The following CERK variants were observed in gnomAD, a reference collection of about 807,000 sequenced individuals.
CERK encodes the protein acylsphingosine kinase.
In CERK, 39 loss-of-function variants were observed where a neutral mutation model predicts 63.4. The ratio of observed to expected loss-of-function variants is 0.61; its 90% CI spans 0.48 to 0.80. The LOEUF is 0.80. Among genes scored for constraint, CERK ranks in the 30% least tolerant of loss-of-function variants. CERK has a pLI of 0.00. For synonymous variants in CERK, 302 were observed against 280.0 expected, an observed-to-expected ratio of 1.08 and a Z score of -0.78; for missense variants, 670 against 714.1, an observed-to-expected ratio of 0.94 and a Z score of 0.70.
chr22:46,712,541 C>G (rs1156598572), intron 3 of CERK, among the ~76,000 whole-genome samples: 4 of 152,096 alleles, frequency 2.6e-5, no homozygotes, highest in African/African-American at 9.7e-5. Context: ...CCCACGAACT[C>G]AGAATTCCGA....
At chr22:46,690,229 C>A (rs773860000) in intron 11 of CERK, 29 bp from the exon 12 acceptor site, 1 of 1,599,080 alleles carries the variant, frequency 6.3e-7, no homozygotes, top group East Asian at 2.2e-5. Context: ...AGGGACCATT[C>A]AGCTCTAAAC....
At chr22:46,692,298 T>G (rs1208270950) in intron 10 of CERK, among the ~76,000 whole-genome samples, 1 of 151,640 alleles carries the variant, frequency 6.6e-6, no homozygotes, top group Non-Finnish European at 1.5e-5. Flanking sequence ...TGGCGGTGCA[T>G]GCCTGTAATC....
intron 11 of CERK, among the ~76,000 whole-genome samples, chr22:46,690,722 G>A (rs759096996): frequency 1.1e-4 from 17 of 152,070 alleles, no homozygotes; most frequent in East Asian, 1.9e-4. Context: ...GACTAGACTC[G>A]GGTCTTCCTC....
At position 46,738,202 on chromosome 22, in the gene CERK, C is replaced by T; in HGVS notation, c.-54G>A. 9.3e-7 allele frequency: 1 copy of T among 1,077,120 alleles called. No individual in the cohort carries two copies. The highest frequency in any genetic ancestry group is 1.1e-6 in the Non-Finnish European group (1 of 890,608). 66.7% of individuals were successfully genotyped at this position (1,077,120 alleles called of 1,614,324 possible). On this transcript the variant is annotated 5_prime_UTR_variant, in exon 1 of 13. Coordinates refer to ENST00000216264, the MANE Select transcript of CERK (RefSeq NM_022766.6). ...GGGGGCGCGCGGACGCCGAGGGGCG[C>T]CGGACCGTTAGCGGCCCCTGCAGTG... is the stretch of plus-strand genomic sequence containing the variant.
chr22:46,716,279 C>A (rs943207203), intron 3 of CERK, among the ~76,000 whole-genome samples: 6 of 151,856 alleles, frequency 4.0e-5, no homozygotes, highest in Non-Finnish European at 8.8e-5. Flanking sequence ...CAACCTCCAC[C>A]CCCAGGGTTC....
intron 11 of CERK, among the ~76,000 whole-genome samples, chr22:46,690,542 GATAA>G (rs1330352375): frequency 6.6e-6 from 1 of 152,120 alleles, no homozygotes; most frequent in East Asian, 1.9e-4. Context: ...ACAGAATTCT[GATAA>G]ATAATTAGCA....
At position 46,699,495 on chromosome 22, in the gene CERK, C is replaced by T. The variant is rs1395831743; in HGVS notation, c.791-30G>A. The T allele has an allele frequency of 2.5e-6, 4 of 1,611,246 alleles. No homozygotes were observed. The East Asian group carries it at 6.7e-5, about 27-fold the overall frequency. ...GGGAGAGAACGGCCGTGAGGGAAGG[C>T]AGCCCCCCTCCAGCCCCGCCCCATC... On this transcript the variant is annotated intron_variant, in intron 7 of 12. Transcript: ENST00000216264.
chr22:46,718,713 A>G (rs371138132), intron 3 of CERK, among the ~76,000 whole-genome samples: 22 of 152,238 alleles, frequency 1.4e-4, no homozygotes, highest in East Asian at 9.6e-4. Flanking sequence ...TTCATTCAAA[A>G]ATATATAAAA....
intron 3 of CERK, among the ~76,000 whole-genome samples, chr22:46,719,187 C>CT (rs202211340): frequency 0.13 from 20,236 of 151,552 alleles, 1,766 homozygotes; most frequent in African/African-American, 0.25. Context: ...CCATATGTTC[C>CT]TTTTTTTAAA....
At chr22:46,693,333 T>C (rs1232439572) in intron 10 of CERK, 94 bp downstream of exon 10, 1 of 991,580 alleles carries the variant, frequency 1.0e-6, no homozygotes, top group South Asian at 1.3e-5. Context: ...AAAGCACAGG[T>C]GGGCAGGGAG....
At chr22:46,732,214 G>T (rs912971875) in intron 1 of CERK, among the ~76,000 whole-genome samples, 1 of 152,038 alleles carries the variant, frequency 6.6e-6, no homozygotes, top group African/African-American at 2.4e-5. Flanking sequence ...CCGAGTAGCT[G>T]GAGCTTGTAT....
intron 5 of CERK, among the ~76,000 whole-genome samples, chr22:46,708,223 G>A (rs1263025744): frequency 2.0e-5 from 3 of 152,238 alleles, no homozygotes; most frequent in African/African-American, 7.2e-5. Context: ...CCTTCTGTGA[G>A]TCTGGAATTT....
chr22:46,692,355 GGCAGAGGT>G (rs1198213016), intron 10 of CERK, among the ~76,000 whole-genome samples: 2 of 150,940 alleles, frequency 1.3e-5, no homozygotes, highest in Non-Finnish European at 2.9e-5. Flanking sequence ...GAACCCGGAA[GGCAGAGGT>G]TGCAGTGAGC....
intron 8 of CERK, among the ~76,000 whole-genome samples, chr22:46,697,227 G>A (rs1423430625): frequency 6.6e-6 from 1 of 152,148 alleles, no homozygotes; most frequent in Non-Finnish European, 1.5e-5. Flanking sequence ...ATCTGAAAGC[G>A]AACTGTAAAG....
chr22:46,687,116 G>A lies in CERK; in HGVS notation c.*18C>T, dbSNP rs1247306784. On this transcript the variant is annotated 3_prime_UTR_variant, in exon 13 of 13. Coordinates refer to ENST00000216264, the MANE Select transcript of CERK (RefSeq NM_022766.6). ...TAGTTTTCACACTTTCCCAGTTTGTGAGCAGGACGCCGGCTTCTCAGCTGT... is the reference window on the plus strand; with the variant it reads ...TAGTTTTCACACTTTCCCAGTTTGTAAGCAGGACGCCGGCTTCTCAGCTGT... 3 of 1,611,132 alleles carry A rather than the reference G, an allele frequency of 1.9e-6. No homozygotes were observed. The African/African-American group carries it at 4.0e-5, about 22-fold the overall frequency.
intron 3 of CERK, among the ~76,000 whole-genome samples, chr22:46,716,250 G>T (rs897173382): frequency 6.7e-6 from 1 of 149,744 alleles, no homozygotes; most frequent in East Asian, 2.0e-4. Flanking sequence ...GAGTGAAGTT[G>T]CATGATCTCG....
intron 8 of CERK, among the ~76,000 whole-genome samples, chr22:46,697,428 G>A (rs1360812655): frequency 6.6e-6 from 1 of 152,118 alleles, no homozygotes; most frequent in Non-Finnish European, 1.5e-5. Flanking sequence ...AGCATCCCGA[G>A]TAACTGGGGT....
At position 46,730,024 on chromosome 22, in the gene CERK, T is replaced by G. The variant is rs2082937773; in HGVS notation, c.142+7983A>C. On this transcript the variant is annotated intron_variant, in intron 1 of 12. Coordinates refer to ENST00000216264, the MANE Select transcript of CERK (RefSeq NM_022766.6). ...ACTGCACTCCAGCCTGGGTGACAGA[T>G]CGAGACTCCATCTCAAAACAAACAA... Among the ~76,000 whole-genome samples the G allele has an allele frequency of 2.7e-5, 4 of 148,538 alleles. No individual in the cohort carries two copies. The Admixed American group carries it at 2.7e-4, about 10-fold the overall frequency.
chr22:46,736,949 TC>T (rs2082977008), intron 1 of CERK, among the ~76,000 whole-genome samples: 1 of 151,854 alleles, frequency 6.6e-6, no homozygotes, highest in Non-Finnish European at 1.5e-5. Flanking sequence ...CCATTCCAGC[TC>T]CGCACATCCA....
Sources: allele counts gnomAD v4.1 joint callset (sites outside exome capture counted in the v4.1 genomes callset), GRCh38; gene constraint gnomAD v4.1.1; transcripts MANE v1.5; gene names NCBI Gene and HGNC (gene_info 2026-07-23, HGNC 2026-07-21).